The following MSI1 variants were observed in gnomAD, a reference collection of about 807,000 sequenced individuals.
MSI1 encodes the protein RNA-binding protein Musashi homolog 1.
In MSI1, 15 loss-of-function variants were observed where a neutral mutation model predicts 54.4. The ratio of observed to expected loss-of-function variants is 0.28; its 90% CI spans 0.18 to 0.42. The LOEUF is 0.42. Among genes scored for constraint, MSI1 ranks in the 20% least tolerant of loss-of-function variants. MSI1 has a pLI of 1.00. For synonymous variants in MSI1, 200 were observed against 196.5 expected (o/e 1.02, Z -0.15); for missense variants, 304 against 506.0 (o/e 0.60, Z 3.83).
At chr12:120,355,116 T>C (rs1874976395) in intron 9 of MSI1, among the ~76,000 whole-genome samples, 1 of 151,044 alleles carries the variant, frequency 6.6e-6, no homozygotes, top group African/African-American at 2.4e-5. Flanking sequence ...ATAAAAATAT[T>C]GTATCAAGGC....
chr12:120,355,496 T>C (rs1875038751), intron 9 of MSI1, among the ~76,000 whole-genome samples: 1 of 152,044 alleles, frequency 6.6e-6, no homozygotes, highest in Admixed American at 6.6e-5. Context: ...AGAATATCCC[T>C]AATCTTAGGA....
At chr12:120,362,289 A>G (rs914530265) in intron 6 of MSI1, among the ~76,000 whole-genome samples, 3 of 151,616 alleles carry the variant, frequency 2.0e-5, no homozygotes, top group African/African-American at 4.9e-5. Context: ...AAGAAGAAAG[A>G]CCAGGGACCC....
intron 9 of MSI1, 132 bp downstream of exon 9, chr12:120,356,770 G>A: frequency 1.2e-6 from 1 of 814,584 alleles, no homozygotes; most frequent in Non-Finnish European, 2.0e-6. Flanking sequence ...CAGATCCCTT[G>A]TCCCCACTCC....
chr12:120,350,921 T>C (rs150165596), intron 11 of MSI1, among the ~76,000 whole-genome samples: 236 of 152,294 alleles, frequency 1.5e-3, no homozygotes, highest in African/African-American at 5.1e-3. Flanking sequence ...GATCTGAGCA[T>C]AGTGAGTCTG....
chr12:120,346,417 C>T, intron 12 of MSI1, 95 bp from the exon 13 acceptor site: 1 of 1,274,492 alleles, frequency 7.8e-7, no homozygotes, highest in South Asian at 1.8e-5. Flanking sequence ...AACCTGGACC[C>T]CCACATTTCA....
rs1420908313 is a variant in MSI1 at position 120,355,704 on chromosome 12, T to C, written c.652+1198A>G. Among the ~76,000 whole-genome samples, 3 of 152,094 alleles carry C rather than the reference T, an allele frequency of 2.0e-5. No individual in the cohort carries two copies. In the East Asian group the frequency reaches 5.8e-4, roughly 29 times the overall value. ...AGAACAGGTGAATCTGATAACAGGGTATATGGATGTTCTTTGTACTGTTTT... is the reference window on the plus strand; with the variant it reads ...AGAACAGGTGAATCTGATAACAGGGCATATGGATGTTCTTTGTACTGTTTT... On this transcript the variant is annotated intron_variant, in intron 9 of 14. Transcript: ENST00000257552.
chr12:120,351,711 CTT>C (rs34601359), intron 10 of MSI1, among the ~76,000 whole-genome samples: 152 of 125,462 alleles, frequency 1.2e-3, no homozygotes, highest in Non-Finnish European at 1.6e-3. Flanking sequence ...TTCTTTCTCT[CTT>C]TTTTTTTTTT....
downstream of MSI1, among the ~76,000 whole-genome samples, chr12:120,340,089 C>CTT (rs11399604): frequency 4.6e-4 from 67 of 144,724 alleles, no homozygotes; most frequent in Admixed American, 6.9e-4. Flanking sequence ...GCCAAAATAG[C>CTT]TTTTTTTTTT....
chr12:120,357,733 T>C, intron 8 of MSI1, 83 bp downstream of exon 8: 1 of 1,352,674 alleles, frequency 7.4e-7, no homozygotes, highest in African/African-American at 1.4e-5. Flanking sequence ...CTCAAACTCC[T>C]GACCTCATGT....
chr12:120,352,757 A>G (rs2136932346), intron 10 of MSI1, among the ~76,000 whole-genome samples: 1 of 152,298 alleles, frequency 6.6e-6, no homozygotes. Context: ...CATCATGGGA[A>G]GTCCAGAACT....
intron 10 of MSI1, among the ~76,000 whole-genome samples, chr12:120,352,828 G>T (rs1874745017): frequency 6.6e-6 from 1 of 152,184 alleles, no homozygotes; most frequent in African/African-American, 2.4e-5. Context: ...ACAAATGAGC[G>T]TGGTAATGAT....
chr12:120,348,770 G>A (rs1002145639), intron 11 of MSI1, among the ~76,000 whole-genome samples: 2 of 152,060 alleles, frequency 1.3e-5, no homozygotes, highest in Non-Finnish European at 2.9e-5. Flanking sequence ...GTGCATGCCT[G>A]TAATCCCAGC....
Position 120,368,808 on chromosome 12 carries a change from G to C in MSI1, c.100+25C>G. ...GGGGTCCGGGGTGCCCTGCCGGACC[G>C]GCGGGCGCTCCCGGGCTCGCTCACC... On this transcript the variant is annotated intron_variant, in intron 2 of 14. Transcript: ENST00000257552. This position sits in a 1 kb window ranked among gnomAD's most constrained non-coding sequence, Gnocchi z 6.6. 7.1e-7 allele frequency: 1 copy of C among 1,398,834 alleles called. No individual in the cohort carries two copies. Among genetic ancestry groups the C allele is most frequent in the South Asian group, 1.5e-5 (1 of 68,194 alleles). 86.7% of individuals were successfully genotyped at this position (1,398,834 alleles called of 1,614,324 possible).
intron 4 of MSI1, among the ~76,000 whole-genome samples, chr12:120,366,390 G>C (rs970154868): frequency 1.3e-5 from 2 of 152,052 alleles, no homozygotes; most frequent in Non-Finnish European, 2.9e-5. Context: ...CTGGGCTCCA[G>C]GGAAAAATCA....
At chr12:120,366,193 T>C (rs941680916) in intron 4 of MSI1, among the ~76,000 whole-genome samples, 1 of 152,100 alleles carries the variant, frequency 6.6e-6, no homozygotes, top group African/African-American at 2.4e-5. Flanking sequence ...GCAGGGAAGA[T>C]CTATCTTTTC....
intron 5 of MSI1, 66 bp downstream of exon 5, chr12:120,364,648 C>T: frequency 6.9e-7 from 1 of 1,450,634 alleles, no homozygotes; most frequent in Middle Eastern, 1.9e-4. Context: ...GCAGGAAATA[C>T]TGGGAAAATC....
At chr12:120,364,885 A>T in intron 4 of MSI1, 130 bp from the exon 5 acceptor site, 1 of 707,544 alleles carries the variant, frequency 1.4e-6, no homozygotes, top group Non-Finnish European at 2.3e-6. Context: ...AAAAGCCTCT[A>T]GGAGGAGAGA....
chr12:120,359,152 T>A, intron 6 of MSI1, 99 bp from the exon 7 acceptor site: 1 of 1,443,332 alleles, frequency 6.9e-7, no homozygotes, highest in Non-Finnish European at 9.5e-7. Context: ...TCTTGCCCAC[T>A]CCAGGCTTGA....
intron 10 of MSI1, among the ~76,000 whole-genome samples, chr12:120,351,632 G>A (rs974177013): frequency 2.0e-5 from 3 of 151,958 alleles, no homozygotes; most frequent in Admixed American, 6.6e-5. Flanking sequence ...CCCTGGGCAC[G>A]GGGCAGGGCT....
Sources: allele counts gnomAD v4.1 joint callset (sites outside exome capture counted in the v4.1 genomes callset), GRCh38; gene constraint gnomAD v4.1.1; non-coding constraint Gnocchi (gnomAD v3.1); transcripts MANE v1.5; gene names NCBI Gene and HGNC (gene_info 2026-07-23, HGNC 2026-07-21).